Variants in PCCA observed in about 807,000 individuals in gnomAD.
PCCA encodes propionyl-CoA carboxylase alpha chain, mitochondrial.
In PCCA, 74 loss-of-function variants were observed where a neutral mutation model predicts 101.3. That is an observed-to-expected ratio of 0.73 (90% CI 0.61 to 0.89). The LOEUF (loss-of-function observed/expected upper bound fraction) is 0.89, where lower values mean the gene tolerates loss of function less well. PCCA is among the 40% of genes least tolerant of loss of function. The probability of loss-of-function intolerance (pLI) is 0.00; values close to 1 mark genes in which losing one functional copy is unlikely to be tolerated. For synonymous variants in PCCA, 294 were observed against 313.6 expected (o/e 0.94, Z 0.66); for missense variants, 891 against 907.0 (o/e 0.98, Z 0.23).
At chr13:100,299,935 A>C (rs951549369) in intron 12 of PCCA, among the ~76,000 whole-genome samples, 1 of 152,208 alleles carries the variant, frequency 6.6e-6, no homozygotes, top group Admixed American at 6.5e-5. Context: ...GCTGGTCTCA[A>C]ACTCCTGACC....
chr13:100,250,923 T>C (rs2061709509), intron 8 of PCCA, among the ~76,000 whole-genome samples: 1 of 152,222 alleles, frequency 6.6e-6, no homozygotes, highest in African/African-American at 2.4e-5. Context: ...TGGTTCATAA[T>C]TTCTATTTCA....
chr13:100,283,814 A>C (rs949890988), intron 12 of PCCA, among the ~76,000 whole-genome samples: 10 of 152,358 alleles, frequency 6.6e-5, no homozygotes, highest in Non-Finnish European at 8.8e-5. Context: ...GCTTGTTATC[A>C]GTGTGGTTTA....
At chr13:100,523,572 T>C (rs1049124124) in intron 22 of PCCA, among the ~76,000 whole-genome samples, 3 of 152,188 alleles carry the variant, frequency 2.0e-5, no homozygotes, top group South Asian at 2.1e-4. Flanking sequence ...GAAAATCTGC[T>C]GAGTAAATGG....
chr13:100,346,447 A>C (rs1180522635), intron 18 of PCCA, among the ~76,000 whole-genome samples: 1 of 152,226 alleles, frequency 6.6e-6, no homozygotes, highest in African/African-American at 2.4e-5. Flanking sequence ...ATCTCGTGAT[A>C]GAACTTGAAT....
chr13:100,235,816 T>G, intron 7 of PCCA, 26 bp from the exon 8 acceptor site: 1 of 1,568,108 alleles, frequency 6.4e-7, no homozygotes, highest in South Asian at 1.1e-5. Flanking sequence ...GGGATTAATG[T>G]TGAGTCTCAT....
intron 22 of PCCA, among the ~76,000 whole-genome samples, chr13:100,520,430 G>A (rs2087147490): frequency 1.3e-5 from 2 of 152,040 alleles, no homozygotes; most frequent in Admixed American, 6.5e-5. Context: ...GGCGGATCAC[G>A]AGGTCAGGAG....
intron 12 of PCCA, among the ~76,000 whole-genome samples, chr13:100,300,500 C>T (rs2065981274): frequency 6.6e-6 from 1 of 152,074 alleles, no homozygotes; most frequent in Non-Finnish European, 1.5e-5. Context: ...TGAAATATGA[C>T]ATGTCATGAT....
chr13:100,131,997 G>C (rs923703219), intron 4 of PCCA, among the ~76,000 whole-genome samples: 3 of 152,130 alleles, frequency 2.0e-5, no homozygotes, highest in Admixed American at 6.5e-5. Context: ...AGACCTGAAG[G>C]GGGTGACAAG....
chr13:100,252,731 C>A (rs1202952170), intron 8 of PCCA, among the ~76,000 whole-genome samples: 1 of 152,140 alleles, frequency 6.6e-6, no homozygotes, highest in African/African-American at 2.4e-5. Context: ...CTCCTAGAAT[C>A]TTCCTTCATT....
chr13:100,397,475 G>A (rs866003796), intron 19 of PCCA, among the ~76,000 whole-genome samples: 3 of 151,694 alleles, frequency 2.0e-5, no homozygotes, highest in Non-Finnish European at 2.9e-5. Flanking sequence ...AAAGTAATAC[G>A]ATGTTTATAG....
intron 7 of PCCA, 47 bp downstream of exon 7, chr13:100,209,510 A>G: frequency 6.5e-7 from 1 of 1,533,890 alleles, no homozygotes; most frequent in Non-Finnish European, 9.0e-7. Context: ...CAAGTTAAAC[A>G]TTTTGTCAAA....
At chr13:100,377,113 CT>C (rs2075962961) in intron 19 of PCCA, among the ~76,000 whole-genome samples, 2 of 152,156 alleles carry the variant, frequency 1.3e-5, no homozygotes, top group Non-Finnish European at 2.9e-5. Flanking sequence ...CCCCACCATG[CT>C]TTAGCTTGCC....
chr13:100,138,934 C>CAAAAAAAA (rs34466523), intron 4 of PCCA, among the ~76,000 whole-genome samples: 30 of 83,022 alleles, frequency 3.6e-4, no homozygotes, highest in Non-Finnish European at 4.6e-4. Flanking sequence ...AACTCCATCT[C>CAAAAAAAA]AAAAAAAAAA....
chr13:100,155,624 G>A (rs1321373441), intron 5 of PCCA, among the ~76,000 whole-genome samples: 1 of 152,000 alleles, frequency 6.6e-6, no homozygotes, highest in African/African-American at 2.4e-5. Context: ...GAATAGAGTG[G>A]AATCCAAGGA....
chr13:100,448,429 G>A (rs2080994728), intron 20 of PCCA, among the ~76,000 whole-genome samples: 1 of 152,050 alleles, frequency 6.6e-6, no homozygotes, highest in Non-Finnish European at 1.5e-5. Flanking sequence ...CTCACCTCGT[G>A]ATCCGCCTGC....
At chr13:100,377,223 C>T (rs530234362) in intron 19 of PCCA, among the ~76,000 whole-genome samples, 32 of 152,172 alleles carry the variant, frequency 2.1e-4, no homozygotes, top group Non-Finnish European at 3.8e-4. Flanking sequence ...GCTGATCTCG[C>T]GGGGAGCTAC....
chr13:100,405,226 G>A (rs764274367), intron 19 of PCCA, among the ~76,000 whole-genome samples: 18 of 152,168 alleles, frequency 1.2e-4, no homozygotes, highest in Non-Finnish European at 2.4e-4. Flanking sequence ...GGAGTGATGG[G>A]CATCCTATTT....
chr13:100,193,270 C>T (rs2057863296), intron 6 of PCCA, among the ~76,000 whole-genome samples: 1 of 152,136 alleles, frequency 6.6e-6, no homozygotes, highest in African/African-American at 2.4e-5. Context: ...ATCTTGAAGA[C>T]CCTCATTTTA....
intron 12 of PCCA, among the ~76,000 whole-genome samples, chr13:100,299,695 C>T (rs555639153): frequency 7.0e-4 from 106 of 152,200 alleles, no homozygotes; most frequent in African/African-American, 2.5e-3. Context: ...TGATGTAAAG[C>T]ACTTGGCACG....
Sources: allele counts gnomAD v4.1 joint callset (sites outside exome capture counted in the v4.1 genomes callset), GRCh38; gene constraint gnomAD v4.1.1; transcripts MANE v1.5; gene names NCBI Gene and HGNC (gene_info 2026-07-23, HGNC 2026-07-21).